AHCYL2: variants seen among roughly 807,000 people sequenced by gnomAD.
AHCYL2 encodes the protein adenosylhomocysteinase like 2.
Under a neutral mutation model 81.4 loss-of-function variants are expected in AHCYL2, and 28 were observed. The ratio of observed to expected loss-of-function variants is 0.34; its 90% CI spans 0.25 to 0.47. AHCYL2 has a LOEUF of 0.47. Ranked by LOEUF, AHCYL2 falls within the 20% of genes least tolerant of loss-of-function variation. AHCYL2 has a pLI of 1.00. For missense variants in AHCYL2, 551 were observed against 785.1 expected (o/e 0.70, Z 3.56); for synonymous variants, 272 against 290.2 (o/e 0.94, Z 0.64).
At chr7:129,258,543 GTTAT>G (rs1254134230) in intron 1 of AHCYL2, among the ~76,000 whole-genome samples, 1 of 131,036 alleles carries the variant, frequency 7.6e-6, no homozygotes, top group African/African-American at 2.8e-5. Context: ...TAAAATTTAT[GTTAT>G]TTATCTTGCT....
chr7:129,315,185 C>T (rs1358365784), intron 1 of AHCYL2, among the ~76,000 whole-genome samples: 1 of 152,106 alleles, frequency 6.6e-6, no homozygotes, highest in Non-Finnish European at 1.5e-5. Context: ...CCTCTCTTTT[C>T]TTCTCTACAC....
At chr7:129,335,593 A>G (rs1798573511) in intron 1 of AHCYL2, among the ~76,000 whole-genome samples, 1 of 152,132 alleles carries the variant, frequency 6.6e-6, no homozygotes, top group Admixed American at 6.6e-5. Flanking sequence ...CATGAGGCTG[A>G]TGTCAGATGG....
chr7:129,370,493 T>G lies in AHCYL2; in HGVS notation c.364-9145T>G, dbSNP rs187862514. On this transcript the variant is annotated intron_variant, in intron 1 of 16. Transcript: ENST00000325006. ...GCGGGCAGATCACGAGGTCAGGAGA[T>G]CAAGATCATCCTGGCTAACACAGTG... 1.1e-3 allele frequency among the ~76,000 whole-genome samples: 173 copies of G among 152,198 alleles called. 1 individual carries two copies. The highest frequency in any genetic ancestry group is 2.0e-3 in the Non-Finnish European group (139 of 68,004).
At chr7:129,417,788 A>G (rs1163424250) in intron 12 of AHCYL2, among the ~76,000 whole-genome samples, 1 of 152,246 alleles carries the variant, frequency 6.6e-6, no homozygotes, top group African/African-American at 2.4e-5. Flanking sequence ...TATATTGAAT[A>G]CCTGCTCTGT....
At position 129,426,528 on chromosome 7, in the gene AHCYL2, C is replaced by A; in HGVS notation, c.1794C>A (p.Leu598=). 1 of 1,614,082 alleles carries A rather than the reference C, an allele frequency of 6.2e-7. No homozygotes were observed. Among genetic ancestry groups the A allele is most frequent in the Non-Finnish European group, 8.5e-7 (1 of 1,179,970 alleles). The part of the protein sequence containing the change: ...LTDEQAKYLG[L]NKNGPFKPNY... ...ATGAACAGGCCAAGTATCTGGGACTCAACAAGAATGGGCCCTTCAAGCCTA... is the reference window on the plus strand; with the variant it reads ...ATGAACAGGCCAAGTATCTGGGACTAAACAAGAATGGGCCCTTCAAGCCTA... Residue 598 remains leucine (L), a synonymous_variant, in exon 16 of 17, where the codon CTC becomes CTA. Coordinates refer to ENST00000325006, the MANE Select transcript of AHCYL2 (RefSeq NM_015328.4). The surrounding 1 kb of genome is among the most constrained non-coding windows in gnomAD (Gnocchi z 4.3).
intron 1 of AHCYL2, among the ~76,000 whole-genome samples, chr7:129,268,645 C>A (rs192022947): frequency 5.7e-4 from 87 of 152,286 alleles, no homozygotes; most frequent in Non-Finnish European, 1.1e-3. Context: ...AGCCACTGCA[C>A]CTGGCCGCTT....
chr7:129,410,315 A>G (rs1796507716), intron 11 of AHCYL2: 4 of 1,614,170 alleles, frequency 2.5e-6, no homozygotes, highest in Middle Eastern at 1.6e-4. Flanking sequence ...AATGTTCTCA[A>G]ACTCTTCAAT....
intron 1 of AHCYL2, among the ~76,000 whole-genome samples, chr7:129,260,983 T>A (rs1563170599): frequency 1.3e-5 from 2 of 152,130 alleles, no homozygotes; most frequent in Non-Finnish European, 2.9e-5. Context: ...AGAGACAGTG[T>A]TTCACCATGT....
intron 12 of AHCYL2, among the ~76,000 whole-genome samples, chr7:129,417,184 A>G (rs1467425627): frequency 6.6e-6 from 1 of 152,184 alleles, no homozygotes; most frequent in East Asian, 1.9e-4. Context: ...GGAATTTGCC[A>G]TGTGGATTTT....
chr7:129,354,717 C>T (rs1171531260), intron 1 of AHCYL2, among the ~76,000 whole-genome samples: 2 of 152,328 alleles, frequency 1.3e-5, no homozygotes, highest in South Asian at 2.1e-4. Context: ...TCCACTTTCT[C>T]TGTCACTGCT....
At chr7:129,257,274 T>G (rs1795462187) in intron 1 of AHCYL2, among the ~76,000 whole-genome samples, 1 of 152,186 alleles carries the variant, frequency 6.6e-6, no homozygotes, top group Admixed American at 6.5e-5. Flanking sequence ...AAAATAACAT[T>G]TGCTGTTTGA....
intron 1 of AHCYL2, among the ~76,000 whole-genome samples, chr7:129,228,730 C>G (rs184043955): frequency 2.2e-4 from 34 of 152,312 alleles, no homozygotes; most frequent in Admixed American, 1.5e-3. Flanking sequence ...GCTGCAAGCC[C>G]AAGAACCTCA....
chr7:129,290,274 C>T (rs981730162), intron 1 of AHCYL2, among the ~76,000 whole-genome samples: 4 of 151,768 alleles, frequency 2.6e-5, no homozygotes, highest in Admixed American at 6.6e-5. Flanking sequence ...GAGGCCAAGG[C>T]GGGCGGATCA....
At chr7:129,327,655 G>A (rs1180967752) in intron 1 of AHCYL2, among the ~76,000 whole-genome samples, 3 of 152,056 alleles carry the variant, frequency 2.0e-5, no homozygotes, top group South Asian at 2.1e-4. Flanking sequence ...TTGTAGAGAC[G>A]AGGTTTTACC....
chr7:129,404,501 C>A (rs1454552817), intron 7 of AHCYL2, among the ~76,000 whole-genome samples: 1 of 152,038 alleles, frequency 6.6e-6, no homozygotes. Context: ...GTGGTGAAAC[C>A]CCGTCTCTAC....
Position 129,422,941 on chromosome 7 carries a change from A to G in AHCYL2, c.1560+3A>G, listed in dbSNP as rs749968042. On this transcript the variant is annotated splice_donor_region_variant and intron_variant, in intron 13 of 16. Coordinates refer to ENST00000325006, the MANE Select transcript of AHCYL2 (RefSeq NM_015328.4). ...AGAGGATAGTACTGCTGGCAGAGGT[A>G]AGGCTGAGACTGGCAAAAATACTCC... The G allele has an allele frequency of 1.9e-6, 3 of 1,613,930 alleles. No homozygotes were observed. Among genetic ancestry groups the G allele is most frequent in the South Asian group, 2.2e-5 (2 of 91,046 alleles).
chr7:129,399,113 G>T (rs944284716), intron 5 of AHCYL2, among the ~76,000 whole-genome samples: 1 of 123,958 alleles, frequency 8.1e-6, no homozygotes, highest in Non-Finnish European at 1.6e-5. Context: ...CTGCACTCTA[G>T]CCTGGGTGAC....
intron 1 of AHCYL2, among the ~76,000 whole-genome samples, chr7:129,225,833 A>G (rs1391579603): frequency 6.6e-6 from 1 of 152,168 alleles, no homozygotes; most frequent in Non-Finnish European, 1.5e-5. Context: ...CACAGCAATA[A>G]GGATGAAAAG....
intron 1 of AHCYL2, among the ~76,000 whole-genome samples, chr7:129,310,216 A>T (rs1262570780): frequency 1.3e-5 from 2 of 152,282 alleles, no homozygotes; most frequent in Non-Finnish European, 2.9e-5. Flanking sequence ...AAGATGACAA[A>T]ATAGACCCCA....
Sources: gnomAD v4.1 joint callset for allele counts (sites outside exome capture counted in the v4.1 genomes callset) on GRCh38, gnomAD v4.1.1 for gene constraint, Gnocchi (gnomAD v3.1) non-coding constraint, MANE v1.5 for transcripts, NCBI Gene and HGNC (gene_info 2026-07-23, HGNC 2026-07-21) for gene names.